TMEM259: variants seen among roughly 807,000 people sequenced by gnomAD.
The protein encoded by TMEM259 is membralin.
Under a neutral mutation model 46.7 loss-of-function variants are expected in TMEM259, and 26 were observed. The ratio of observed to expected loss-of-function variants is 0.56; its 90% CI spans 0.41 to 0.77. The LOEUF is 0.77. TMEM259 is among the 30% of genes least tolerant of loss of function. TMEM259 has a pLI of 0.00. For missense variants in TMEM259, 930 were observed against 900.5 expected (o/e 1.03, Z -0.42); for synonymous variants, 494 against 395.1 (o/e 1.25, Z -2.97).
intron 1 of TMEM259, among the ~76,000 whole-genome samples, chr19:1,019,440 G>A (rs1038855132): frequency 3.9e-5 from 6 of 152,238 alleles, no homozygotes; most frequent in African/African-American, 1.4e-4. Flanking sequence ...GCCTGCCTGC[G>A]TAACCCTTCA....
Position 1,013,160 on chromosome 19 carries a change from T to C in TMEM259, c.607+81A>G. Reference sequence around the variant, plus strand: ...CATGCAGCCAGCAGGCTGGGGATGTTCGGAGGGACCCCGCCTGCACCCCAG... The same window carrying C: ...CATGCAGCCAGCAGGCTGGGGATGTCCGGAGGGACCCCGCCTGCACCCCAG... On this transcript the variant is annotated intron_variant, in intron 3 of 10. Transcript: ENST00000356663. 2.4e-6 allele frequency: 3 copies of C among 1,275,036 alleles called. No individual in the cohort carries two copies. In the South Asian group the frequency reaches 3.7e-5, roughly 16 times the overall value. 79.0% of individuals were successfully genotyped at this position (1,275,036 alleles called of 1,614,324 possible).
rs746392840 is a variant in TMEM259, at chr19:1,011,481, G to A, written c.1103C>T (p.Ser368Leu). The A allele has an allele frequency of 3.9e-6, 6 of 1,547,892 alleles. No individual in the cohort carries two copies. The highest frequency in any genetic ancestry group is 2.0e-5 in the Admixed American group (1 of 51,158). Residue 368 changes from serine (S) to leucine (L), a missense_variant, in exon 9 of 11, where the codon TCG becomes TTG. Coordinates refer to ENST00000356663, the MANE Select transcript of TMEM259 (RefSeq NM_001033026.2). ...LALVGMEAIM[S>L]EFFNDTTTAF... ...GGTGGTGGTGTCGTTGAAGAACTCC[G>A]ACATGATGGCCTCCATCCCTGCAGG...
chr19:1,011,276 C>A (rs897892950), intron 9 of TMEM259, 81 bp from the exon 10 acceptor site: 8 of 1,537,574 alleles, frequency 5.2e-6, no homozygotes, highest in Non-Finnish European at 7.0e-6. Context: ...GTGGCGCAGC[C>A]ACCACCCCCG....
intron 9 of TMEM259, 68 bp from the exon 10 acceptor site, chr19:1,011,263 C>A: frequency 6.5e-7 from 1 of 1,541,678 alleles, no homozygotes; most frequent in Non-Finnish European, 8.7e-7. Flanking sequence ...CTGGGGTTCC[C>A]GCGTGGCGCA....
At chr19:1,015,480 C>T (rs1335234821) in intron 1 of TMEM259, among the ~76,000 whole-genome samples, 1 of 152,168 alleles carries the variant, frequency 6.6e-6, no homozygotes, top group Non-Finnish European at 1.5e-5. Context: ...CAGGGCAGCC[C>T]CTCTTCCAGG....
At chr19:1,018,499 G>A (rs574457549) in intron 1 of TMEM259, among the ~76,000 whole-genome samples, 5 of 152,348 alleles carry the variant, frequency 3.3e-5, no homozygotes, top group African/African-American at 9.6e-5. Flanking sequence ...GATCATACCA[G>A]GGAGGACCTG....
At chr19:1,017,120 C>T (rs1035482152) in intron 1 of TMEM259, among the ~76,000 whole-genome samples, 1 of 152,092 alleles carries the variant, frequency 6.6e-6, no homozygotes, top group Non-Finnish European at 1.5e-5. Context: ...GCAGGCACCA[C>T]CCAGCCAGAC....
rs1434531862 is a variant in TMEM259 at position 1,020,398 on chromosome 19, G to A, written c.225+374C>T. The stretch of plus-strand genomic sequence containing the variant: ...GTCAAAGGGCGGGAGGTGCTACCTC[G>A]CAGGCCAGGACCGGACTCCAAGCCT... On this transcript the variant is annotated intron_variant, in intron 1 of 10. Transcript: ENST00000356663. The surrounding 1 kb of genome is among the most constrained non-coding windows in gnomAD (Gnocchi z 4.0). Among the ~76,000 whole-genome samples, 2 of 152,156 alleles carry A rather than the reference G, an allele frequency of 1.3e-5. No homozygotes were observed. Among genetic ancestry groups the A allele is most frequent in the Admixed American group, 1.3e-4 (2 of 15,278 alleles).
chr19:1,011,704 G>A, intron 7 of TMEM259, 37 bp downstream of exon 7: 1 of 1,530,586 alleles, frequency 6.5e-7, no homozygotes, highest in Non-Finnish European at 8.8e-7. Flanking sequence ...AGGGCCTGGA[G>A]GACGCCCGCC....
chr19:1,010,604 C>T lies in TMEM259; in HGVS notation c.1609G>A (p.Asp537Asn). The T allele has an allele frequency of 1.3e-6, 2 of 1,550,880 alleles. No homozygotes were observed. Among genetic ancestry groups the T allele is most frequent in the Non-Finnish European group, 1.7e-6 (2 of 1,149,868 alleles). The change falls in exon 11 of 11, where the codon GAC becomes AAC. Residue 537 changes from aspartate (D) to asparagine (N), a missense_variant. Asp to Asn is a conservative substitution (Grantham distance 23, BLOSUM62 1). Coordinates refer to ENST00000356663, the MANE Select transcript of TMEM259 (RefSeq NM_001033026.2). ...AASVAAAAGG[D>N]LGWMAETAAI... The stretch of plus-strand genomic sequence containing the variant: ...GCGGTCTCTGCCATCCAACCCAGGT[C>T]ACCACCGGCAGCTGCTGCCACTGAG...
chr19:1,017,981 C>T (rs2039165052), intron 1 of TMEM259, among the ~76,000 whole-genome samples: 1 of 152,198 alleles, frequency 6.6e-6, no homozygotes, highest in Middle Eastern at 3.4e-3. Flanking sequence ...CCTGGGGTCT[C>T]ACATACCCCG....
At position 1,009,724 on chromosome 19, in the gene TMEM259, G is replaced by A; in HGVS notation, c.*626C>T. 1.1e-6 allele frequency: 1 copy of A among 871,016 alleles called. No homozygotes were observed. Among genetic ancestry groups the A allele is most frequent in the Non-Finnish European group, 1.6e-6 (1 of 630,966 alleles). The allele number at this position is 871,016 out of a possible 1,614,324, so 54.0% of individuals were successfully genotyped here. A position where few individuals can be genotyped will look rare whatever the true frequency, so the allele number is the denominator to read the frequency against. ...ACTGCAATTAAATAGAATGGAATGAGCGCTCCTCCGCATTCCTCCCCGAGT... is the reference window on the plus strand; with the variant it reads ...ACTGCAATTAAATAGAATGGAATGAACGCTCCTCCGCATTCCTCCCCGAGT... On this transcript the variant is annotated 3_prime_UTR_variant, in exon 11 of 11. Coordinates refer to ENST00000356663, the MANE Select transcript of TMEM259 (RefSeq NM_001033026.2).
chr19:1,012,054 G>A lies in TMEM259; in HGVS notation c.841+12C>T. On this transcript the variant is annotated intron_variant, in intron 5 of 10. Coordinates refer to ENST00000356663, the MANE Select transcript of TMEM259 (RefSeq NM_001033026.2). Reference sequence around the variant, plus strand: ...CGCGCCCTCGCACCCTCGGCCCCGGGGCATGCCTCACCCTTGTTCTCCTCG... The same window carrying A: ...CGCGCCCTCGCACCCTCGGCCCCGGAGCATGCCTCACCCTTGTTCTCCTCG... 3 of 1,612,122 alleles carry A rather than the reference G, an allele frequency of 1.9e-6. No homozygotes were observed. Among genetic ancestry groups the A allele is most frequent in the Non-Finnish European group, 2.5e-6 (3 of 1,179,500 alleles).
rs1274710476 is a variant in TMEM259 at position 1,010,271 on chromosome 19, G to C, written c.*79C>G. 1 of 1,289,190 alleles carries C rather than the reference G, an allele frequency of 7.8e-7. No individual in the cohort carries two copies. The highest frequency in any genetic ancestry group is 2.9e-5 in the East Asian group (1 of 34,798). 79.9% of individuals were successfully genotyped at this position (1,289,190 alleles called of 1,614,324 possible). A position where few individuals can be genotyped will look rare whatever the true frequency, so the allele number is the denominator to read the frequency against. ...CTGGGCAGTCCCAGAGGAAGGAGGTGGCTGGCCTCCCCCACCCCCACGGGC... is the reference window on the plus strand; with the variant it reads ...CTGGGCAGTCCCAGAGGAAGGAGGTCGCTGGCCTCCCCCACCCCCACGGGC... On this transcript the variant is annotated 3_prime_UTR_variant, in exon 11 of 11. Coordinates refer to ENST00000356663, the MANE Select transcript of TMEM259 (RefSeq NM_001033026.2).
chr19:1,017,755 TTGAC>T (rs1263060315), intron 1 of TMEM259, among the ~76,000 whole-genome samples: 1 of 152,118 alleles, frequency 6.6e-6, no homozygotes, highest in Non-Finnish European at 1.5e-5. Flanking sequence ...CTCTGGGTAT[TTGAC>T]TGACCCACAG....
rs868387809 is a variant in TMEM259 at position 1,020,416 on chromosome 19, C to G, written c.225+356G>C. On this transcript the variant is annotated intron_variant, in intron 1 of 10. Transcript: ENST00000356663. This position sits in a 1 kb window ranked among gnomAD's most constrained non-coding sequence, Gnocchi z 4.0. ...CTACCTCGCAGGCCAGGACCGGACT[C>G]CAAGCCTGGGTAGGTGGGGACCTGG... Among the ~76,000 whole-genome samples the G allele has an allele frequency of 9.2e-5, 14 of 152,194 alleles. 1 individual carries two copies. In the South Asian group the frequency reaches 2.9e-3, roughly 32 times the overall value.
rs748965812 is a variant in TMEM259, at chr19:1,011,405, G to A, written c.1179C>T (p.Ile393=). 1.3e-6 allele frequency: 2 copies of A among 1,565,356 alleles called. No homozygotes were observed. The highest frequency in any genetic ancestry group is 1.9e-5 in the Admixed American group (1 of 53,238). ...GCTTGCTGGTGCTGGTGTGGCAGCA[G>A]ATGGCGTCATACTGGTCCGCGAGCC... The part of the protein sequence containing the change: ...IVWLADQYDA[I]CCHTSTSKRH... The change falls in exon 9 of 11, where the codon ATC becomes ATT. Residue 393 remains isoleucine (I), a synonymous_variant. Coordinates refer to ENST00000356663, the MANE Select transcript of TMEM259 (RefSeq NM_001033026.2).
Position 1,011,788 on chromosome 19 carries a change from A to G in TMEM259, c.953T>C (p.Val318Ala). 1 of 1,573,240 alleles carries G rather than the reference A, an allele frequency of 6.4e-7. No individual in the cohort carries two copies. Among genetic ancestry groups the G allele is most frequent in the Non-Finnish European group, 8.6e-7 (1 of 1,158,852 alleles). Residue 318 changes from valine to alanine, a missense_variant, in exon 7 of 11, where the codon GTG becomes GCG. Physicochemically the swap from Val to Ala is moderately conservative, Grantham distance 64. Coordinates refer to ENST00000356663, the MANE Select transcript of TMEM259 (RefSeq NM_001033026.2). ...GTGTGAGTACCGCAGCAGCATGGAC[A>G]CGCTCAGCGTCTGCAAGGGGCGCGC... ...FAIMVIFTLS[V>A]SMLLRYSHHQ...
chr19:1,011,324 G>C lies in TMEM259; in HGVS notation c.1217+43C>G. The stretch of plus-strand genomic sequence containing the variant: ...CTCCCTCTGGCAGCCCCCTACCCCT[G>C]CCCACCAGCACCCACTCCACCCTGC... On this transcript the variant is annotated intron_variant, in intron 9 of 10. Transcript: ENST00000356663. The C allele has an allele frequency of 1.9e-6, 3 of 1,550,334 alleles. No individual in the cohort carries two copies. The African/African-American group carries it at 4.1e-5, about 21-fold the overall frequency.
Sources: gnomAD v4.1 joint callset for allele counts (sites outside exome capture counted in the v4.1 genomes callset) on GRCh38, gnomAD v4.1.1 for gene constraint, Gnocchi (gnomAD v3.1) non-coding constraint, MANE v1.5 for transcripts, NCBI Gene and HGNC (gene_info 2026-07-23, HGNC 2026-07-21) for gene names.